The following SLC24A2 variants were observed in gnomAD, a reference collection of about 807,000 sequenced individuals.
The protein encoded by SLC24A2 is sodium/potassium/calcium exchanger 2.
A neutral mutation model predicts 62.0 loss-of-function variants in SLC24A2; 36 were observed. The ratio of observed to expected loss-of-function variants is 0.58; its 90% confidence interval spans 0.44 to 0.77. The LOEUF (loss-of-function observed/expected upper bound fraction) is 0.77, where lower values mean the gene tolerates loss of function less well. Ranked by LOEUF, SLC24A2 falls within the 30% of genes least tolerant of loss-of-function variation. SLC24A2 has a pLI of 0.00. For synonymous variants in SLC24A2, 358 were observed against 294.0 expected (o/e 1.22, Z -2.23); for missense variants, 846 against 817.9 (o/e 1.03, Z -0.42).
At chr9:19,757,363 C>G (rs988723359) in intron 2 of SLC24A2, among the ~76,000 whole-genome samples, 6 of 152,106 alleles carry the variant, frequency 3.9e-5, no homozygotes, top group African/African-American at 1.4e-4. Flanking sequence ...AAAAATTTCA[C>G]TGATTCATAA....
the SLC24A2 span, among the ~76,000 whole-genome samples, chr9:20,117,744 A>G: frequency 6.6e-6 from 1 of 152,182 alleles, no homozygotes; most frequent in Non-Finnish European, 1.5e-5. Context: ...TTACAATAGC[A>G]ATAATAGTAA....
At chr9:20,074,586 GAA>G in the SLC24A2 span, among the ~76,000 whole-genome samples, 2 of 87,122 alleles carry the variant, frequency 2.3e-5, no homozygotes, top group East Asian at 5.6e-4. Context: ...AGGAAGGAAG[GAA>G]GGAAGGAAGG....
the SLC24A2 span, among the ~76,000 whole-genome samples, chr9:19,873,203 T>C: frequency 1.5e-5 from 2 of 135,354 alleles, no homozygotes; most frequent in South Asian, 2.3e-4. Flanking sequence ...CTTCCTCCCT[T>C]CCTCCCTCCC....
At chr9:20,249,186 TG>T in the SLC24A2 span, among the ~76,000 whole-genome samples, 1 of 152,184 alleles carries the variant, frequency 6.6e-6, no homozygotes, top group Non-Finnish European at 1.5e-5. Context: ...ATAACTAACC[TG>T]GTTGCCTCAA....
At chr9:20,233,908 T>C in the SLC24A2 span, among the ~76,000 whole-genome samples, 1 of 152,224 alleles carries the variant, frequency 6.6e-6, no homozygotes, top group African/African-American at 2.4e-5. Context: ...AGGAGCTCTT[T>C]TAGGGCAGGC....
chr9:20,068,383 C>T, the SLC24A2 span, among the ~76,000 whole-genome samples: 1 of 151,992 alleles, frequency 6.6e-6, no homozygotes, highest in Non-Finnish European at 1.5e-5. Context: ...TTAATAATAG[C>T]CATTCTGACT....
At chr9:19,559,573 C>G (rs191491473) in intron 7 of SLC24A2, among the ~76,000 whole-genome samples, 2 of 152,282 alleles carry the variant, frequency 1.3e-5, no homozygotes, top group East Asian at 3.9e-4. Flanking sequence ...AGAGTTGGAA[C>G]TCTTGAAGGT....
chr9:19,657,763 G>A lies in SLC24A2; in HGVS notation c.931-35464C>T, dbSNP rs147714505. On this transcript the variant is annotated intron_variant, in intron 2 of 10. Transcript: ENST00000341998. ...TTTTTTTGAAACAGCGTCTTGTGGC[G>A]TCATCCAGGACTGGAGTGCAGTGGC... Among the ~76,000 whole-genome samples the A allele has an allele frequency of 1.2e-3, 187 of 152,052 alleles. 1 individual carries two copies. The highest frequency in any genetic ancestry group is 6.8e-3 in the Middle Eastern group (2 of 294).
At chr9:19,787,754 CA>C (rs1357197104) in intron 1 of SLC24A2, among the ~76,000 whole-genome samples, 1 of 152,070 alleles carries the variant, frequency 6.6e-6, no homozygotes, top group Non-Finnish European at 1.5e-5. Context: ...AACCTTTAGT[CA>C]TATTTAAAAT....
At chr9:19,840,267 C>G in the SLC24A2 span, among the ~76,000 whole-genome samples, 1 of 152,130 alleles carries the variant, frequency 6.6e-6, no homozygotes, top group East Asian at 1.9e-4. Flanking sequence ...TAGCCTCTTT[C>G]AACAATTTAC....
intron 4 of SLC24A2, among the ~76,000 whole-genome samples, chr9:19,605,224 A>C (rs552599019): frequency 6.6e-6 from 1 of 152,346 alleles, no homozygotes; most frequent in African/African-American, 2.4e-5. Context: ...ATGTTTCACC[A>C]GAATTAAAAA....
the SLC24A2 span, among the ~76,000 whole-genome samples, chr9:20,170,848 A>G: frequency 6.6e-6 from 1 of 152,066 alleles, no homozygotes; most frequent in Non-Finnish European, 1.5e-5. Context: ...AGTCATCCAA[A>G]TACAAGAAGC....
intron 5 of SLC24A2, among the ~76,000 whole-genome samples, chr9:19,580,790 C>A (rs1489423437): frequency 6.6e-6 from 1 of 152,088 alleles, no homozygotes; most frequent in Admixed American, 6.5e-5. Flanking sequence ...TTTAGTTTTC[C>A]CATCTGTTAA....
At chr9:19,816,736 G>A in the SLC24A2 span, among the ~76,000 whole-genome samples, 1 of 151,894 alleles carries the variant, frequency 6.6e-6, no homozygotes, top group East Asian at 1.9e-4. Flanking sequence ...GGGCAAGGGA[G>A]GTGCCACATA....
At chr9:20,248,562 G>T in the SLC24A2 span, among the ~76,000 whole-genome samples, 2 of 152,018 alleles carry the variant, frequency 1.3e-5, no homozygotes, top group African/African-American at 4.8e-5. Flanking sequence ...CTTTTATAAG[G>T]GCACTAATCC....
chr9:19,778,016 T>C (rs13284899), intron 2 of SLC24A2, among the ~76,000 whole-genome samples: 5 of 152,154 alleles, frequency 3.3e-5, no homozygotes, highest in African/African-American at 1.2e-4. Flanking sequence ...ATTTATTATT[T>C]TGATGAGAAA....
intron 2 of SLC24A2, among the ~76,000 whole-genome samples, chr9:19,706,777 G>C (rs1453150026): frequency 6.6e-6 from 1 of 152,092 alleles, no homozygotes. Context: ...GAAATTTATA[G>C]CAATAAATGC....
chr9:19,707,213 T>C (rs965547013), intron 2 of SLC24A2, among the ~76,000 whole-genome samples: 1 of 151,902 alleles, frequency 6.6e-6, no homozygotes, highest in African/African-American at 2.4e-5. Context: ...CAGGAAGAAG[T>C]TGAATCTCTG....
the SLC24A2 span, among the ~76,000 whole-genome samples, chr9:20,074,851 C>T: frequency 2.0e-5 from 3 of 152,026 alleles, no homozygotes; most frequent in Non-Finnish European, 4.4e-5. Context: ...TTATCATTTG[C>T]CTTCTCTTGG....
Sources: gnomAD v4.1 joint callset for allele counts (sites outside exome capture counted in the v4.1 genomes callset) on GRCh38, gnomAD v4.1.1 for gene constraint, MANE v1.5 for transcripts, NCBI Gene and HGNC (gene_info 2026-07-23, HGNC 2026-07-21) for gene names.